MTA1: variants seen among roughly 807,000 people sequenced by gnomAD.
The protein encoded by MTA1 is metastasis-associated protein MTA1.
A neutral mutation model predicts 97.0 loss-of-function variants in MTA1; 15 were observed. The observed-to-expected ratio is 0.15, with a 90% CI of 0.10 to 0.24. The LOEUF is 0.24. Ranked by LOEUF, MTA1 falls within the 10% of genes least tolerant of loss-of-function variation. The probability of loss-of-function intolerance (pLI) is 1.00; values close to 1 mark genes in which losing one functional copy is unlikely to be tolerated. For missense variants in MTA1, 709 were observed against 1,015.1 expected, an observed-to-expected ratio of 0.70 and a Z score of 4.10; for synonymous variants, 435 against 417.5, an observed-to-expected ratio of 1.04 and a Z score of -0.51.
At position 105,420,162 on chromosome 14, in the gene MTA1, GC is replaced by G. The variant is rs1175110361; in HGVS notation, c.28+105del. ...CGCCCCTCTGCCCCGCAGGCCCCGC[GC>G]CCCCCGCCCGCCCTCGCGGCCCCCG... On this transcript the variant is annotated intron_variant, in intron 1 of 20. Transcript: ENST00000331320. The surrounding 1 kb of genome is among the most constrained non-coding windows in gnomAD (Gnocchi z 5.3). The G allele has an allele frequency of 1.9e-5, 11 of 589,270 alleles. No individual in the cohort carries two copies. The East Asian group carries it at 8.7e-4, about 47-fold the overall frequency. The allele number at this position is 589,270 out of a possible 1,614,324, so 36.5% of individuals were successfully genotyped here. A position where few individuals can be genotyped will look rare whatever the true frequency, so the allele number is the denominator to read the frequency against.
At chr14:105,464,284 G>T (rs1718684538) in intron 13 of MTA1, 132 bp from the exon 14 acceptor site, 15 of 1,362,064 alleles carry the variant, frequency 1.1e-5, no homozygotes, top group Non-Finnish European at 1.3e-5. Context: ...CAGGGGTGTG[G>T]TTGGGAGAGC....
chr14:105,454,315 G>A lies in MTA1; in HGVS notation c.550+5G>A. 6.2e-7 allele frequency: 1 copy of A among 1,606,054 alleles called. No homozygotes were observed. The highest frequency in any genetic ancestry group is 1.1e-5 in the South Asian group (1 of 90,918). On this transcript the variant is annotated splice_donor_5th_base_variant and intron_variant, in intron 7 of 20. Transcript: ENST00000331320. ...TCACCGACTTGTTAAAAGAAGGTAGGGTGGGCCGCCCTGGGCATGGAGCCC... is the reference window on the plus strand; with the variant it reads ...TCACCGACTTGTTAAAAGAAGGTAGAGTGGGCCGCCCTGGGCATGGAGCCC...
At chr14:105,425,957 C>T (rs1555422155) in intron 1 of MTA1, among the ~76,000 whole-genome samples, 1 of 152,048 alleles carries the variant, frequency 6.6e-6, no homozygotes, top group Non-Finnish European at 1.5e-5. Context: ...GAGGTGACCG[C>T]TCCTCAGAGC....
chr14:105,433,038 A>G (rs146684124), intron 1 of MTA1, among the ~76,000 whole-genome samples: 1 of 152,312 alleles, frequency 6.6e-6, no homozygotes, highest in East Asian at 1.9e-4. Flanking sequence ...CCTCGGGTTC[A>G]GTAATTCACT....
rs2083801754 is a variant in MTA1 at position 105,470,630 on chromosome 14, CG to C, written c.*417del. On this transcript the variant is annotated 3_prime_UTR_variant, in exon 21 of 21. Transcript: ENST00000331320. ...AATGTTAGGATCGTGCGGCCGCGGC[CG>C]GCCGAGCTGCCTGGCGGGGTTGGCC... 5.4e-5 allele frequency: 9 copies of C among 165,682 alleles called. No homozygotes were observed. Among genetic ancestry groups the C allele is most frequent in the Non-Finnish European group, 2.6e-5 (2 of 77,656 alleles). The allele number at this position is 165,682 out of a possible 1,614,324, so 10.3% of individuals were successfully genotyped here.
Position 105,463,128 on chromosome 14 carries a change from T to G in MTA1, c.943-56T>G, listed in dbSNP as rs971270549. 1.8e-5 allele frequency: 28 copies of G among 1,549,970 alleles called. No homozygotes were observed. Among genetic ancestry groups the G allele is most frequent in the Admixed American group, 3.4e-5 (2 of 59,584 alleles). On this transcript the variant is annotated intron_variant, in intron 10 of 20. Transcript: ENST00000331320. The surrounding 1 kb of genome is among the most constrained non-coding windows in gnomAD (Gnocchi z 5.9). ...GGCCGCAGCCCTGCCCCTGCCTGCA[T>G]GGTGTGCCTGCCTCCTGCCCCTTCC...
chr14:105,450,601 C>T (rs1285109441), intron 6 of MTA1, among the ~76,000 whole-genome samples: 1 of 152,180 alleles, frequency 6.6e-6, no homozygotes, highest in Non-Finnish European at 1.5e-5. Context: ...GGAGGTCCCC[C>T]TGGGGAGGGT....
intron 2 of MTA1, among the ~76,000 whole-genome samples, chr14:105,441,891 A>T (rs1443417614): frequency 6.6e-6 from 1 of 152,340 alleles, no homozygotes; most frequent in East Asian, 1.9e-4. Context: ...GTTCTCTGAG[A>T]AATGGATGGG....
chr14:105,445,458 A>C lies in MTA1; in HGVS notation c.137A>C (p.Tyr46Ser), dbSNP rs1555426870. ...GTGGAGGCCAAAGTGGTGTGCTTCTACCGGAGGCGGGACATCTCCAGCACC... is the reference window on the plus strand; with the variant it reads ...GTGGAGGCCAAAGTGGTGTGCTTCTCCCGGAGGCGGGACATCTCCAGCACC... ...GNVEAKVVCF[Y>S]RRRDISSTLI... The change falls in exon 3 of 21, where the codon TAC becomes TCC. Residue 46 changes from tyrosine to serine, a missense_variant. Tyr to Ser is a moderately radical substitution (Grantham distance 144). Coordinates refer to ENST00000331320, the MANE Select transcript of MTA1 (RefSeq NM_004689.4). 1 of 1,613,592 alleles carries C rather than the reference A, an allele frequency of 6.2e-7. No individual in the cohort carries two copies. Among genetic ancestry groups the C allele is most frequent in the Non-Finnish European group, 8.5e-7 (1 of 1,179,984 alleles).
chr14:105,460,517 G>C, intron 9 of MTA1, 60 bp downstream of exon 9: 2 of 1,486,348 alleles, frequency 1.3e-6, no homozygotes, highest in South Asian at 2.6e-5. Flanking sequence ...CAGAGTGGCT[G>C]CGCCCTTCTT....
At chr14:105,429,027 C>G (rs1555422819) in intron 1 of MTA1, among the ~76,000 whole-genome samples, 1 of 152,186 alleles carries the variant, frequency 6.6e-6, no homozygotes, top group African/African-American at 2.4e-5. Context: ...CCCAGCCTCA[C>G]CTTGCACTTT....
chr14:105,466,426 A>AGGGGCGGG lies in MTA1; in HGVS notation c.1626_1627insGGGCGGGG (p.Thr543GlyfsTer14). On this transcript the variant is annotated frameshift_variant and splice_region_variant, in exon 17 of 21. Coordinates refer to ENST00000331320, the MANE Select transcript of MTA1 (RefSeq NM_004689.4). LOFTEE classifies it high-confidence loss of function. Reference sequence around the variant, plus strand: ...GTTCTGCCTGTGTCATTCCCGGCAGAGACCCACCCCCGCCCCCCCAAGCCT... The same window carrying AGGGGCGGG: ...GTTCTGCCTGTGTCATTCCCGGCAGAGGGGCGGGGACCCACCCCCGCCCCCCCAAGCCT... 6.7e-7 allele frequency: 1 copy of AGGGGCGGG among 1,484,220 alleles called. No individual in the cohort carries two copies. The highest frequency in any genetic ancestry group is 9.3e-7 in the Non-Finnish European group (1 of 1,071,320). 91.9% of individuals were successfully genotyped at this position (1,484,220 alleles called of 1,614,324 possible).
chr14:105,444,801 A>AT (rs1198483318), intron 2 of MTA1, among the ~76,000 whole-genome samples: 1 of 152,142 alleles, frequency 6.6e-6, no homozygotes, highest in African/African-American at 2.4e-5. Context: ...AAAAAAAAAA[A>AT]AAAAAAGAGT....
chr14:105,441,709 G>A lies in MTA1; in HGVS notation c.96+2970G>A, dbSNP rs587762133. Among the ~76,000 whole-genome samples, 632 of 152,282 alleles carry A rather than the reference G, an allele frequency of 4.2e-3. 4 individuals carry two copies. Among genetic ancestry groups the A allele is most frequent in the African/African-American group, 0.013 (554 of 41,562 alleles). ...CTCGGGAGGCTGAGGCAGGAGAATG[G>A]CGTGAACCCGGGAGGTGGAGCTTGC... On this transcript the variant is annotated intron_variant, in intron 2 of 20. Coordinates refer to ENST00000331320, the MANE Select transcript of MTA1 (RefSeq NM_004689.4).
intron 1 of MTA1, among the ~76,000 whole-genome samples, chr14:105,426,454 T>C (rs1196595541): frequency 6.6e-6 from 1 of 151,386 alleles, no homozygotes; most frequent in Non-Finnish European, 1.5e-5. Flanking sequence ...GCACACCTGA[T>C]TCTGCCCTGG....
In MTA1 at chr14:105,464,558, C is replaced by G; in HGVS notation, c.1335C>G (p.Arg445=). ...RLDGERPGPN[R]SNMSPHGLPA... ...ATGGAGAGAGGCCAGGACCAAACCG[C>G]AGTAACATGGTAAGGGGGGGGACAC... Residue 445 remains arginine (R), a synonymous_variant, in exon 14 of 21, where the codon CGC becomes CGG. Transcript: ENST00000331320. 6.2e-7 allele frequency: 1 copy of G among 1,612,860 alleles called. No individual in the cohort carries two copies. The highest frequency in any genetic ancestry group is 1.3e-5 in the African/African-American group (1 of 75,040).
chr14:105,466,470 T>C lies in MTA1; in HGVS notation c.1669T>C (p.Ser557Pro). 7.9e-7 allele frequency: 1 copy of C among 1,273,594 alleles called. No homozygotes were observed. The highest frequency in any genetic ancestry group is 1.7e-5 in the African/African-American group (1 of 60,010). The allele number at this position is 1,273,594 out of a possible 1,614,324, so 78.9% of individuals were successfully genotyped here. Residue 557 changes from serine (S) to proline (P), a missense_variant, in exon 17 of 21, where the codon TCC (serine) becomes CCC (proline). Ser to Pro is a moderately conservative substitution (Grantham distance 74, BLOSUM62 -1). This residue lies in a region of MTA1 where 388 missense variants were observed against 421.6 expected (regional missense o/e 0.92). Transcript: ENST00000331320. ...CAAGCCTGACCCCGTGAAAAGCGTG[T>C]CCAGCGTGCTCAGCAGCCTGACGCC... The part of the protein sequence containing the change: ...PPKPDPVKSV[S>P]SVLSSLTPAK...
rs1046150964 is a variant in MTA1, at chr14:105,470,509, C to T, written c.*294C>T. 2.9e-5 allele frequency: 11 copies of T among 375,260 alleles called. No homozygotes were observed. The highest frequency in any genetic ancestry group is 5.2e-5 in the Non-Finnish European group (11 of 211,528). The allele number at this position is 375,260 out of a possible 1,614,324, so 23.2% of individuals were successfully genotyped here. ...GGGCCTTTTGCCCGGAGGCCGGGCCCTAAGGTTTTGTTGTGTTCTGTTGAA... is the reference window on the plus strand; with the variant it reads ...GGGCCTTTTGCCCGGAGGCCGGGCCTTAAGGTTTTGTTGTGTTCTGTTGAA... On this transcript the variant is annotated 3_prime_UTR_variant, in exon 21 of 21. Transcript: ENST00000331320.
rs781846662 is a variant in MTA1, at chr14:105,424,581, C to T, written c.28+4518C>T. 4.0e-5 allele frequency among the ~76,000 whole-genome samples: 6 copies of T among 151,826 alleles called. No homozygotes were observed. Among genetic ancestry groups the T allele is most frequent in the African/African-American group, 1.2e-4 (5 of 41,278 alleles). On this transcript the variant is annotated intron_variant, in intron 1 of 20. Coordinates refer to ENST00000331320, the MANE Select transcript of MTA1 (RefSeq NM_004689.4). This position sits in a 1 kb window ranked among gnomAD's most constrained non-coding sequence, Gnocchi z 4.0. ...CACAATCGCGGCTCACTGCAACCTC[C>T]GCCTCCTGGGTTCTAGTGATTTGCC...
Sources: gnomAD v4.1 joint callset for allele counts (sites outside exome capture counted in the v4.1 genomes callset) on GRCh38, gnomAD v4.1.1 for gene constraint, gnomAD v4.1.1 regional missense constraint, Gnocchi (gnomAD v3.1) non-coding constraint, MANE v1.5 for transcripts, NCBI Gene and HGNC (gene_info 2026-07-23, HGNC 2026-07-21) for gene names.